Variants in B4GALNT1 observed in about 807,000 individuals in gnomAD.
B4GALNT1 encodes the protein beta-1,4-N-acetyl-galactosaminyltransferase 1, also known as beta-1,4 N-acetylgalactosaminyltransferase 1.
In B4GALNT1, 43 loss-of-function variants were observed where a neutral mutation model predicts 55.2. The ratio of observed to expected loss-of-function variants is 0.78; its 90% CI spans 0.61 to 1.00. The LOEUF is 1.00. Ranked by LOEUF, B4GALNT1 falls within the 50% of genes least tolerant of loss-of-function variation. The pLI is 0.00. For missense variants in B4GALNT1, 664 were observed against 729.7 expected, an observed-to-expected ratio of 0.91 and a Z score of 1.04; for synonymous variants, 305 against 311.6, an observed-to-expected ratio of 0.98 and a Z score of 0.22.
chr12:57,626,345 G>A lies in B4GALNT1; in HGVS notation c.*399C>T, dbSNP rs1884806869. On this transcript the variant is annotated 3_prime_UTR_variant, in exon 11 of 11. Transcript: ENST00000341156. ...ACTGGATCTGAAGATGCAGATGAGG[G>A]GCACAGTCTTGGGATTATGTGTTGG... The A allele has an allele frequency of 8.4e-6, 2 of 238,364 alleles. No homozygotes were observed. Among genetic ancestry groups the A allele is most frequent in the South Asian group, 1.2e-4 (2 of 16,540 alleles). The allele number at this position is 238,364 out of a possible 1,614,324, so 14.8% of individuals were successfully genotyped here. A position where few individuals can be genotyped will look rare whatever the true frequency, so the allele number is the denominator to read the frequency against.
rs771293936 is a variant in B4GALNT1, at chr12:57,627,847, C to G, written c.1155G>C (p.Ala385=). The G allele has an allele frequency of 1.1e-5, 17 of 1,583,532 alleles. No homozygotes were observed. Among genetic ancestry groups the G allele is most frequent in the Non-Finnish European group, 1.4e-5 (16 of 1,163,578 alleles). The change falls in exon 10 of 11, where the codon GCG becomes GCC. Residue 385 remains alanine, a synonymous_variant. Transcript: ENST00000341156. ...ERTPLDLVGG[A]VREISGFATT... ...TGGCAAAGCCGGAGATCTCGCGCAC[C>G]GCGCCCCCCACCTGCAGGGAGAGGG...
intron 2 of B4GALNT1, among the ~76,000 whole-genome samples, chr12:57,631,708 C>T (rs1270488265): frequency 1.3e-5 from 2 of 152,170 alleles, no homozygotes; most frequent in African/African-American, 4.8e-5. Flanking sequence ...CTCCCACGCC[C>T]ATCCCCATCC....
At position 57,625,626 on chromosome 12, in the gene B4GALNT1, G is replaced by C. The variant is rs1299892525; in HGVS notation, c.*1118C>G. ...GACCCGGGTAGGACTCCTGGACAGG[G>C]TGACTCCAGATCAGCTGTTTGTGAG... On this transcript the variant is annotated 3_prime_UTR_variant, in exon 11 of 11. Transcript: ENST00000341156. The C allele has an allele frequency of 6.3e-7, 1 of 1,592,988 alleles. No individual in the cohort carries two copies. The highest frequency in any genetic ancestry group is 8.6e-7 in the Non-Finnish European group (1 of 1,168,990).
Position 57,628,218 on chromosome 12 carries a change from G to C in B4GALNT1, c.1047C>G (p.Thr349=). Residue 349 remains threonine, a synonymous_variant, in exon 9 of 11, where the codon ACC becomes ACG. Transcript: ENST00000341156. ...GRNLAVSQVT[T]KYVLWVDDDF... ...CGTCGTCCACCCACAGCACGTACTT[G>C]GTGGTTACTTGAGACACGGCCAGGT... The C allele has an allele frequency of 3.7e-6, 6 of 1,614,294 alleles. No individual in the cohort carries two copies. The South Asian group carries it at 6.6e-5, about 18-fold the overall frequency.
intron 8 of B4GALNT1, chr12:57,628,465 C>G: frequency 1.2e-6 from 1 of 857,574 alleles, no homozygotes. Context: ...GTTTAATTTC[C>G]GTGTGCATTT....
At chr12:57,628,070 T>C in intron 9 of B4GALNT1, 52 bp downstream of exon 9, 1 of 1,607,086 alleles carries the variant, frequency 6.2e-7, no homozygotes, top group Non-Finnish European at 8.5e-7. Flanking sequence ...GCTGTGGCCT[T>C]AGCCTGTTCA....
At position 57,625,276 on chromosome 12, in the gene B4GALNT1, T is replaced by A. The variant is rs1452478598; in HGVS notation, c.*1468A>T. ...GGGTGGTGGTCCTAGACTTCAGTGGTGTCACCTTTGCAGATGCTGCTGGGG... is the reference window on the plus strand; with the variant it reads ...GGGTGGTGGTCCTAGACTTCAGTGGAGTCACCTTTGCAGATGCTGCTGGGG... On this transcript the variant is annotated 3_prime_UTR_variant, in exon 11 of 11. Transcript: ENST00000341156. The A allele has an allele frequency of 6.2e-7, 1 of 1,614,096 alleles. No individual in the cohort carries two copies. The highest frequency in any genetic ancestry group is 1.3e-5 in the African/African-American group (1 of 75,000).
In B4GALNT1 at chr12:57,623,817, T is replaced by C. The variant is rs779222335; in HGVS notation, c.*2927A>G. Reference sequence around the variant, plus strand: ...GGAGGCTCTCTTCCTTTTTTGCTCCTGTTCCTCCTTTTCTCTAGCTGGCAG... The same window carrying C: ...GGAGGCTCTCTTCCTTTTTTGCTCCCGTTCCTCCTTTTCTCTAGCTGGCAG... On this transcript the variant is annotated 3_prime_UTR_variant, in exon 11 of 11. Coordinates refer to ENST00000341156, the MANE Select transcript of B4GALNT1 (RefSeq NM_001478.5). The C allele has an allele frequency of 2.5e-6, 4 of 1,612,024 alleles. No individual in the cohort carries two copies. The Admixed American group carries it at 5.0e-5, about 20-fold the overall frequency.
rs968384046 is a variant in B4GALNT1 at position 57,624,428 on chromosome 12, C to T, written c.*2316G>A. ...ATCACTTGCCTTGGTAGTCACTGCC[C>T]TGGATCTCTTTACCCAGCAGTGATG... On this transcript the variant is annotated 3_prime_UTR_variant, in exon 11 of 11. Transcript: ENST00000341156. 16 of 601,650 alleles carry T rather than the reference C, an allele frequency of 2.7e-5. No individual in the cohort carries two copies. The East Asian group carries it at 5.4e-4, about 20-fold the overall frequency. 37.3% of individuals were successfully genotyped at this position (601,650 alleles called of 1,614,324 possible).
chr12:57,632,998 TGCCCG>T lies in B4GALNT1; in HGVS notation c.-233_-229del, dbSNP rs1885324072. On this transcript the variant is annotated 5_prime_UTR_variant, in exon 1 of 11. Transcript: ENST00000341156. Reference sequence around the variant, plus strand: ...CGCGGTGGTGGTTCTGGGCGTTTCCTGCCCGGGGGCGGTTGGCGGGGCGCGAGGAC... The same window carrying T: ...CGCGGTGGTGGTTCTGGGCGTTTCCTGGGGCGGTTGGCGGGGCGCGAGGAC... 1 of 152,400 alleles carries T rather than the reference TGCCCG, an allele frequency of 6.6e-6. No homozygotes were observed. 9.4% of individuals were successfully genotyped at this position (152,400 alleles called of 1,614,324 possible). A position where few individuals can be genotyped will look rare whatever the true frequency, so the allele number is the denominator to read the frequency against.
rs766516862 is a variant in B4GALNT1 at position 57,628,794 on chromosome 12, G to C, written c.921C>G (p.Thr307=). 5 of 1,614,254 alleles carry C rather than the reference G, an allele frequency of 3.1e-6. No homozygotes were observed. In the East Asian group the frequency reaches 6.7e-5, roughly 22 times the overall value. The change falls in exon 8 of 11, where the codon ACC becomes ACG. Residue 307 remains threonine (T), a synonymous_variant. Coordinates refer to ENST00000341156, the MANE Select transcript of B4GALNT1 (RefSeq NM_001478.5). ...TGTCGCTGTCGTCAGCGATGACCAC[G>C]GTAACCGTTGGGTAGAAGCGGCGGA... ...TSIRRFYPTV[T]VVIADDSDKP... is the part of the protein sequence containing the mutation.
rs1565735007 is a variant in B4GALNT1 at position 57,625,286 on chromosome 12, G to A, written c.*1458C>T. On this transcript the variant is annotated 3_prime_UTR_variant, in exon 11 of 11. Coordinates refer to ENST00000341156, the MANE Select transcript of B4GALNT1 (RefSeq NM_001478.5). ...CCTAGACTTCAGTGGTGTCACCTTT[G>A]CAGATGCTGCTGGGGCCAGAGAAGT... The A allele has an allele frequency of 6.2e-7, 1 of 1,614,118 alleles. No individual in the cohort carries two copies. The highest frequency in any genetic ancestry group is 1.7e-5 in the Admixed American group (1 of 60,020).
At chr12:57,632,183 C>A in intron 1 of B4GALNT1, 50 bp from the exon 2 acceptor site, 1 of 1,462,726 alleles carries the variant, frequency 6.8e-7, no homozygotes, top group Non-Finnish European at 9.4e-7. Context: ...GAAGGGAGGG[C>A]AAGGGATGGG....
chr12:57,632,668 G>T, intron 1 of B4GALNT1, 104 bp downstream of exon 1: 1 of 195,958 alleles, frequency 5.1e-6, no homozygotes, highest in Non-Finnish European at 1.1e-5. Context: ...CAAGCGGCGC[G>T]GGGGACAGAG....
Position 57,629,136 on chromosome 12 carries a change from G to A in B4GALNT1, c.723C>T (p.Ser241=), listed in dbSNP as rs1472859717. The A allele has an allele frequency of 6.3e-7, 1 of 1,593,274 alleles. No homozygotes were observed. The highest frequency in any genetic ancestry group is 1.1e-5 in the South Asian group (1 of 89,240). ...TGAAAGCAGCCTCATGTCCCTCGGT[G>A]GAGAACCGGACTGGGAAGAAAGGAC... The part of the protein sequence containing the change: ...QTNTADTVRF[S]TEGHEAAFTI... Residue 241 remains serine (S), a synonymous_variant, in exon 7 of 11, where the codon TCC becomes TCT. Transcript: ENST00000341156.
Position 57,625,091 on chromosome 12 carries a change from CG to C in B4GALNT1, c.*1652del. 1.2e-6 allele frequency: 2 copies of C among 1,614,032 alleles called. No individual in the cohort carries two copies. Among genetic ancestry groups the C allele is most frequent in the Non-Finnish European group, 1.7e-6 (2 of 1,179,978 alleles). ...AGGGGTGCATGTTCATGCTGTGTTTCGGGAGTGGTGACTGCCCTTCTTTACT... is the reference window on the plus strand; with the variant it reads ...AGGGGTGCATGTTCATGCTGTGTTTCGGAGTGGTGACTGCCCTTCTTTACT... On this transcript the variant is annotated 3_prime_UTR_variant, in exon 11 of 11. Coordinates refer to ENST00000341156, the MANE Select transcript of B4GALNT1 (RefSeq NM_001478.5).
rs753961964 is a variant in B4GALNT1, at chr12:57,625,149, G to A, written c.*1595C>T. 4.3e-6 allele frequency: 7 copies of A among 1,613,976 alleles called. No homozygotes were observed. In the African/African-American group the frequency reaches 9.3e-5, roughly 22 times the overall value. ...AGACTTCAAAGCCAGATGGCCCAAT[G>A]GTTGCAGGTGAGATGGGGTGACAAG... On this transcript the variant is annotated 3_prime_UTR_variant, in exon 11 of 11. Transcript: ENST00000341156.
At chr12:57,630,877 T>C (rs1419776903) in intron 4 of B4GALNT1, 103 bp downstream of exon 4, 3 of 1,160,872 alleles carry the variant, frequency 2.6e-6, no homozygotes, top group Non-Finnish European at 3.7e-6. Flanking sequence ...TCATCAGAGG[T>C]TCCCACCTCC....
At position 57,624,946 on chromosome 12, in the gene B4GALNT1, C is replaced by A. The variant is rs1358085116; in HGVS notation, c.*1798G>T. 1.9e-6 allele frequency: 3 copies of A among 1,614,152 alleles called. No homozygotes were observed. The highest frequency in any genetic ancestry group is 2.2e-5 in the East Asian group (1 of 44,876). ...GGACCCGTGGGCAGTTTCGCTGCAA[C>A]CTGGAGTGGCACCTGGGGCTCGGAG... On this transcript the variant is annotated 3_prime_UTR_variant, in exon 11 of 11. Transcript: ENST00000341156.
Sources: gnomAD v4.1 joint callset for allele counts (sites outside exome capture counted in the v4.1 genomes callset) on GRCh38, gnomAD v4.1.1 for gene constraint, MANE v1.5 for transcripts, NCBI Gene and HGNC (gene_info 2026-07-23, HGNC 2026-07-21) for gene names.